The following SH3TC1 variants were observed in gnomAD, a reference collection of about 807,000 sequenced individuals.
SH3TC1 encodes SH3 domain and tetratricopeptide repeats 1.
SH3TC1 carries 135 observed loss-of-function variants against 117.3 expected under a neutral mutation model. The ratio of observed to expected loss-of-function variants is 1.15; its 90% CI spans 1.00 to 1.33. The LOEUF (loss-of-function observed/expected upper bound fraction) is 1.33. SH3TC1 is among the 40% of genes most tolerant of loss of function. The pLI, the probability that SH3TC1 is intolerant of heterozygous loss-of-function variation, is 0.00. For missense variants in SH3TC1, 2,092 were observed against 1,794.3 expected (o/e 1.17, Z -3.00); for synonymous variants, 898 against 816.9 (o/e 1.10, Z -1.69).
At chr4:8,201,494 G>A (rs1717840220) in intron 1 of SH3TC1, 1 of 152,372 alleles carries the variant, frequency 6.6e-6, no homozygotes, top group Non-Finnish European at 1.5e-5. Flanking sequence ...GAACAAACAG[G>A]ATGAAGGCAG....
intron 1 of SH3TC1, among the ~76,000 whole-genome samples, chr4:8,193,997 A>G (rs936390145): frequency 3.3e-5 from 5 of 152,194 alleles, no homozygotes; most frequent in Admixed American, 1.3e-4. Context: ...AAACGCAAAG[A>G]CAAAAGCCAC....
At chr4:8,231,668 G>A (rs971532389) in intron 12 of SH3TC1, 46 of 392,464 alleles carry the variant, frequency 1.2e-4, no homozygotes, top group Admixed American at 1.7e-4. Context: ...CCCTGGCCTC[G>A]TCAGCTCGGG....
At chr4:8,231,706 G>A in intron 12 of SH3TC1, 1 of 502,768 alleles carries the variant, frequency 2.0e-6, no homozygotes, top group Non-Finnish European at 3.5e-6. Context: ...CCTGGCCAGA[G>A]GGGCTTTGTG....
At position 8,225,746 on chromosome 4, in the gene SH3TC1, G is replaced by C. The variant is rs1720399138; in HGVS notation, c.1285+530G>C. 6.6e-6 allele frequency among the ~76,000 whole-genome samples: 1 copy of C among 152,190 alleles called. No homozygotes were observed. Among genetic ancestry groups the C allele is most frequent in the Admixed American group, 6.5e-5 (1 of 15,280 alleles). ...AGGGTCCGCATGGGGAGAGCCTGGGGATGTGGACACCCCAAGAGCCCTCGG... is the reference window on the plus strand; with the variant it reads ...AGGGTCCGCATGGGGAGAGCCTGGGCATGTGGACACCCCAAGAGCCCTCGG... On this transcript the variant is annotated intron_variant, in intron 11 of 17. Coordinates refer to ENST00000245105, the MANE Select transcript of SH3TC1 (RefSeq NM_018986.5). The surrounding 1 kb of genome is among the most constrained non-coding windows in gnomAD (Gnocchi z 5.5).
chr4:8,237,768 A>G, intron 17 of SH3TC1, 98 bp downstream of exon 17: 1 of 1,322,950 alleles, frequency 7.6e-7, no homozygotes, highest in South Asian at 1.6e-5. Context: ...TTCCTTAAGA[A>G]TGGCCCAGTG....
In SH3TC1 at chr4:8,233,530, G is replaced by A; in HGVS notation, c.3282+17G>A. The A allele has an allele frequency of 6.3e-7, 1 of 1,594,384 alleles. No individual in the cohort carries two copies. The highest frequency in any genetic ancestry group is 8.5e-7 in the Non-Finnish European group (1 of 1,170,306). ...TACATCCAGGTGAGTGATGAGGGAT[G>A]CAGGAGGGCCTCTGCACATGTTCAC... On this transcript the variant is annotated intron_variant, in intron 14 of 17. Transcript: ENST00000245105.
Position 8,227,020 on chromosome 4 carries a change from CT to C in SH3TC1, c.1328del (p.Leu443CysfsTer4). On this transcript the variant is annotated frameshift_variant, in exon 12 of 18. Transcript: ENST00000245105. LOFTEE classifies it high-confidence loss of function. ...GCCTGAGCCTGGAGCCACAGGAGAC[CT>C]TGCAGAAGGTGAAGAATGTTCTGGA... ...PCLSLEPQET[L>X]QKVKNVLEQC... is the part of the protein sequence containing the mutation. The C allele has an allele frequency of 6.4e-7, 1 of 1,572,068 alleles. No homozygotes were observed. The highest frequency in any genetic ancestry group is 8.6e-7 in the Non-Finnish European group (1 of 1,158,476).
Position 8,225,248 on chromosome 4 carries a change from G to A in SH3TC1, c.1285+32G>A, listed in dbSNP as rs756235801. The A allele has an allele frequency of 6.2e-7, 1 of 1,607,204 alleles. No individual in the cohort carries two copies. The highest frequency in any genetic ancestry group is 8.5e-7 in the Non-Finnish European group (1 of 1,177,058). ...TTTGCCAGTGGCTCAGGCTTCCTCT[G>A]GTTATGAGCTGGGCCTTGGGGTAAC... On this transcript the variant is annotated intron_variant, in intron 11 of 17. Transcript: ENST00000245105. The surrounding 1 kb of genome is among the most constrained non-coding windows in gnomAD (Gnocchi z 5.5).
intron 1 of SH3TC1, chr4:8,204,908 C>T (rs1331246095): frequency 6.5e-6 from 2 of 309,024 alleles, no homozygotes; most frequent in African/African-American, 2.2e-5. Context: ...AAGGGGACTC[C>T]AGGCAGAAAA....
chr4:8,227,722 G>A lies in SH3TC1; in HGVS notation c.2028G>A (p.Val676=). 1 of 1,585,898 alleles carries A rather than the reference G, an allele frequency of 6.3e-7. No individual in the cohort carries two copies. Among genetic ancestry groups the A allele is most frequent in the Non-Finnish European group, 8.6e-7 (1 of 1,163,420 alleles). Residue 676 remains valine (V), a synonymous_variant, in exon 12 of 18, where the codon GTG becomes GTA. Coordinates refer to ENST00000245105, the MANE Select transcript of SH3TC1 (RefSeq NM_018986.5). ...RACFLLARHH[V]HLKQPEEALP... ...GCTTCCTGCTGGCCAGGCACCACGTGCACCTCAAGCAGCCCGAGGAGGCCC... is the reference window on the plus strand; with the variant it reads ...GCTTCCTGCTGGCCAGGCACCACGTACACCTCAAGCAGCCCGAGGAGGCCC...
In SH3TC1 at chr4:8,219,358, G is replaced by T; in HGVS notation, c.940G>T (p.Ala314Ser). ...AGCTGTGGGCCTGGCCTCGGCATTG[G>T]CAGACTTCCAGGGCTCGGGGCCCGA... Reference protein sequence around the residue: ...LMAVGLASALADFQGSGPEEM... With the variant: ...LMAVGLASALSDFQGSGPEEM... The change falls in exon 9 of 18, where the codon GCA becomes TCA. Residue 314 changes from alanine to serine, a missense_variant. Physicochemically the swap from Ala to Ser is moderately conservative, Grantham distance 99. Coordinates refer to ENST00000245105, the MANE Select transcript of SH3TC1 (RefSeq NM_018986.5). 1.9e-6 allele frequency: 3 copies of T among 1,600,268 alleles called. No homozygotes were observed. Among genetic ancestry groups the T allele is most frequent in the Non-Finnish European group, 2.6e-6 (3 of 1,170,900 alleles).
chr4:8,240,061 G>C (rs918267343), intron 17 of SH3TC1, among the ~76,000 whole-genome samples: 1 of 152,182 alleles, frequency 6.6e-6, no homozygotes, highest in Non-Finnish European at 1.5e-5. Flanking sequence ...GAGGTCCCTT[G>C]GGTGACCCCC....
At chr4:8,226,506 T>C (rs1720468442) in intron 11 of SH3TC1, among the ~76,000 whole-genome samples, 1 of 152,238 alleles carries the variant, frequency 6.6e-6, no homozygotes, top group Non-Finnish European at 1.5e-5. Flanking sequence ...GATCAGTAGC[T>C]CTGACTGGCT....
chr4:8,219,233 G>C (rs778707879), intron 8 of SH3TC1, 102 bp from the exon 9 acceptor site: 19 of 1,228,336 alleles, frequency 1.5e-5, no homozygotes, highest in Non-Finnish European at 2.1e-5. Flanking sequence ...GTAACCAAAA[G>C]ATGAATTCCC....
chr4:8,183,056 G>C lies in SH3TC1; in HGVS notation c.-57+846G>C, dbSNP rs1224776658. On this transcript the variant is annotated intron_variant, in intron 1 of 16. Coordinates refer to the SH3TC1 transcript ENST00000508641. The surrounding 1 kb of genome is among the most constrained non-coding windows in gnomAD (Gnocchi z 5.4). ...GGGCAGAGGAGAGGCTGCCCTGGGGGTGAGGGGGATCCATGGCCCCTGGCA... is the reference window on the plus strand; with the variant it reads ...GGGCAGAGGAGAGGCTGCCCTGGGGCTGAGGGGGATCCATGGCCCCTGGCA... 6.6e-6 allele frequency among the ~76,000 whole-genome samples: 1 copy of C among 152,154 alleles called. No homozygotes were observed. Among genetic ancestry groups the C allele is most frequent in the East Asian group, 1.9e-4 (1 of 5,184 alleles).
intron 17 of SH3TC1, among the ~76,000 whole-genome samples, chr4:8,239,059 CT>C (rs1722081791): frequency 6.6e-6 from 1 of 152,150 alleles, no homozygotes; most frequent in East Asian, 1.9e-4. Flanking sequence ...GCCTGGAAGG[CT>C]GGCAGAGAGG....
intron 17 of SH3TC1, among the ~76,000 whole-genome samples, chr4:8,237,953 C>T (rs1167160427): frequency 6.6e-6 from 1 of 152,140 alleles, no homozygotes. Flanking sequence ...CAGGGGGGCC[C>T]TCCTGGAGAA....
At position 8,206,769 on chromosome 4, in the gene SH3TC1, A is replaced by G. The variant is rs923159308; in HGVS notation, c.172+1403A>G. Among the ~76,000 whole-genome samples, 6 of 151,468 alleles carry G rather than the reference A, an allele frequency of 4.0e-5. No individual in the cohort carries two copies. The highest frequency in any genetic ancestry group is 6.6e-5 in the Admixed American group (1 of 15,224). Reference sequence around the variant, plus strand: ...GGCAAGAAATAGTACAGATAATTCCATTTGCCCATACCCAGGTTCCCTGAA... The same window carrying G: ...GGCAAGAAATAGTACAGATAATTCCGTTTGCCCATACCCAGGTTCCCTGAA... On this transcript the variant is annotated intron_variant, in intron 2 of 17. Transcript: ENST00000245105. The surrounding 1 kb of genome is among the most constrained non-coding windows in gnomAD (Gnocchi z 5.5).
Position 8,227,448 on chromosome 4 carries a change from A to G in SH3TC1, c.1754A>G (p.Glu585Gly), listed in dbSNP as rs1198074130. 1.3e-6 allele frequency: 2 copies of G among 1,561,582 alleles called. No homozygotes were observed. Among genetic ancestry groups the G allele is most frequent in the African/African-American group, 2.7e-5 (2 of 72,896 alleles). Residue 585 changes from glutamate (E) to glycine (G), a missense_variant, in exon 12 of 18, where the codon GAA (glutamate) becomes GGA (glycine). Coordinates refer to ENST00000245105, the MANE Select transcript of SH3TC1 (RefSeq NM_018986.5). ...TCCCAGGCCCGGGTGTACTTTGAGG[A>G]AGCGCTGGGGGCCCTGGAGGGCAGC... is the stretch of plus-strand genomic sequence containing the variant. ...KLSQARVYFEEALGALEGSFG... is the reference protein window; with the variant it reads ...KLSQARVYFEGALGALEGSFG...
Sources: gnomAD v4.1 joint callset for allele counts (sites outside exome capture counted in the v4.1 genomes callset) on GRCh38, gnomAD v4.1.1 for gene constraint, Gnocchi (gnomAD v3.1) non-coding constraint, MANE v1.5 for transcripts, NCBI Gene and HGNC (gene_info 2026-07-23, HGNC 2026-07-21) for gene names.